TAF8: variants seen among roughly 807,000 people sequenced by gnomAD.
TAF8 encodes transcription initiation factor TFIID subunit 8.
In TAF8, 47 loss-of-function variants were observed where a neutral mutation model predicts 36.5. That is an observed-to-expected ratio of 1.29 (90% CI 1.02 to 1.64). The LOEUF (loss-of-function observed/expected upper bound fraction) is 1.64. Among genes scored for constraint, TAF8 ranks in the 40% most tolerant of loss-of-function variants. The pLI, the probability that TAF8 is intolerant of heterozygous loss-of-function variation, is 0.00. For synonymous variants in TAF8, 175 were observed against 159.5 expected (o/e 1.10, Z -0.73); for missense variants, 420 against 407.6 (o/e 1.03, Z -0.26).
chr6:42,078,729 G>C lies in TAF8; in HGVS notation c.*1184G>C, dbSNP rs1343442832. ...GGAATGTGTGCTTGGGAACTGCCAA[G>C]TCTTACCCCTTCTGGAAGAAGAGGT... is the stretch of plus-strand genomic sequence containing the variant. On this transcript the variant is annotated 3_prime_UTR_variant, in exon 9 of 9. Transcript: ENST00000372977. 1 of 985,368 alleles carries C rather than the reference G, an allele frequency of 1.0e-6. No individual in the cohort carries two copies. Among genetic ancestry groups the C allele is most frequent in the Non-Finnish European group, 1.2e-6 (1 of 829,964 alleles). The allele number at this position is 985,368 out of a possible 1,614,324, so 61.0% of individuals were successfully genotyped here.
downstream of TAF8, among the ~76,000 whole-genome samples, chr6:42,084,180 C>CAA (rs35595303): frequency 1.5e-3 from 97 of 63,262 alleles, 3 homozygotes; most frequent in African/African-American, 2.4e-3. Context: ...GACTCTGTCT[C>CAA]AAAAAAAAAA....
At chr6:42,075,932 G>C (rs1765730171) in intron 7 of TAF8, among the ~76,000 whole-genome samples, 2 of 152,282 alleles carry the variant, frequency 1.3e-5, no homozygotes, top group Admixed American at 6.5e-5. Context: ...TAAAGCGGCC[G>C]GGCGCGGTGG....
At position 42,050,581 on chromosome 6, in the gene TAF8, G is replaced by T; in HGVS notation, c.40G>T (p.Gly14Ter). ...GGCCACAGCTGGGGCCGGTGGCTCC[G>T]GAACGGTAAGGGCAGGAAGCGCGGG... ...AAATAGAGGS[G>*]TRSGSKQSTN... Residue 14 changes from glycine (G) to a stop codon, truncating the protein, a stop_gained, in exon 1 of 9, where the codon GGA becomes TGA. Transcript: ENST00000372977. LOFTEE classifies it high-confidence loss of function. The T allele has an allele frequency of 6.4e-7, 1 of 1,555,290 alleles. No homozygotes were observed. Among genetic ancestry groups the T allele is most frequent in the Non-Finnish European group, 8.7e-7 (1 of 1,150,012 alleles).
At chr6:42,056,228 G>T (rs1764983804) in intron 4 of TAF8, 1 of 487,346 alleles carries the variant, frequency 2.1e-6, no homozygotes, top group African/African-American at 2.0e-5. Context: ...TTGAGATATT[G>T]CTGTGTTTCT....
chr6:42,063,002 C>A (rs1765238985), intron 5 of TAF8, among the ~76,000 whole-genome samples: 1 of 152,182 alleles, frequency 6.6e-6, no homozygotes, highest in African/African-American at 2.4e-5. Context: ...ACCCACCTTA[C>A]CTTAGTAAGA....
At chr6:42,065,761 C>T (rs1765341477) in intron 5 of TAF8, among the ~76,000 whole-genome samples, 1 of 152,142 alleles carries the variant, frequency 6.6e-6, no homozygotes, top group Non-Finnish European at 1.5e-5. Context: ...AAGACAATCT[C>T]TACAGTAAAT....
intron 7 of TAF8, among the ~76,000 whole-genome samples, chr6:42,075,276 G>C (rs1196181455): frequency 6.6e-6 from 1 of 152,178 alleles, no homozygotes; most frequent in African/African-American, 2.4e-5. Context: ...GAACTAGGTT[G>C]GTCCTGCAGC....
At chr6:42,076,064 G>A (rs917167529) in intron 7 of TAF8, among the ~76,000 whole-genome samples, 4 of 151,822 alleles carry the variant, frequency 2.6e-5, no homozygotes, top group South Asian at 2.1e-4. Context: ...AAAACTTAGC[G>A]GGATGTGGTG....
chr6:42,060,535 G>A (rs907126717), intron 5 of TAF8, among the ~76,000 whole-genome samples: 1 of 152,156 alleles, frequency 6.6e-6, no homozygotes. Flanking sequence ...TATGAGTTGG[G>A]CAAATTTGTC....
chr6:42,059,420 G>C (rs949357048), intron 5 of TAF8, among the ~76,000 whole-genome samples: 1 of 151,906 alleles, frequency 6.6e-6, no homozygotes, highest in African/African-American at 2.4e-5. Flanking sequence ...GGGACTCAGA[G>C]CTGTCTTCTT....
chr6:42,060,496 C>G (rs1765153966), intron 5 of TAF8, among the ~76,000 whole-genome samples: 1 of 152,124 alleles, frequency 6.6e-6, no homozygotes, highest in African/African-American at 2.4e-5. Flanking sequence ...AAAGCCGAGC[C>G]CAGCCATGGG....
In TAF8 at chr6:42,054,493, C is replaced by T. The variant is rs56148909; in HGVS notation, c.203-1038C>T. ...AACAATAACTCCCCATTCTCCCTCC[C>T]CCTCCATCCCCTGGTAACTTCTAAT... On this transcript the variant is annotated intron_variant, in intron 2 of 8. Coordinates refer to ENST00000372977, the MANE Select transcript of TAF8 (RefSeq NM_138572.3). Among the ~76,000 whole-genome samples the T allele has an allele frequency of 1.0e-2, 1,517 of 152,346 alleles. 27 individuals carry two copies. Among genetic ancestry groups the T allele is most frequent in the African/African-American group, 0.035 (1,439 of 41,584 alleles).
chr6:42,087,052 C>G (rs192442695), downstream of TAF8: 1 of 476,144 alleles, frequency 2.1e-6, no homozygotes, highest in Non-Finnish European at 3.8e-6. Context: ...AGCCTGAGTG[C>G]ACCATGTCTT....
intron 1 of TAF8, 160 bp downstream of exon 1, chr6:42,050,746 T>G: frequency 6.8e-6 from 7 of 1,035,168 alleles, no homozygotes; most frequent in Non-Finnish European, 9.4e-6. Flanking sequence ...CCTTGGGACT[T>G]GGCTGCGGCC....
chr6:42,052,047 CT>C (rs1383695596), intron 2 of TAF8, among the ~76,000 whole-genome samples: 2 of 152,222 alleles, frequency 1.3e-5, no homozygotes, highest in Non-Finnish European at 2.9e-5. Context: ...CACTCTGTCA[CT>C]TAATAGCTTG....
intron 3 of TAF8, 37 bp downstream of exon 3, chr6:42,055,666 C>T (rs1484305905): frequency 6.7e-7 from 1 of 1,491,058 alleles, no homozygotes; most frequent in African/African-American, 1.4e-5. Flanking sequence ...TTCGATGCAA[C>T]TGGGAGAGGA....
chr6:42,061,533 C>G (rs12216369), intron 5 of TAF8, among the ~76,000 whole-genome samples: 2 of 152,006 alleles, frequency 1.3e-5, no homozygotes, highest in African/African-American at 2.4e-5. Context: ...TTAGGGCAGC[C>G]ACAGTTAAAG....
chr6:42,056,948 T>C (rs1255123552), intron 4 of TAF8, among the ~76,000 whole-genome samples: 1 of 152,234 alleles, frequency 6.6e-6, no homozygotes, highest in Non-Finnish European at 1.5e-5. Context: ...TTGGCATTTT[T>C]TTAAAAACTC....
intron 5 of TAF8, among the ~76,000 whole-genome samples, chr6:42,064,812 C>G (rs1167591747): frequency 6.6e-6 from 1 of 150,992 alleles, no homozygotes; most frequent in African/African-American, 2.4e-5. Context: ...AAAAAATTAG[C>G]CAGGAGTGGT....
Sources: allele counts gnomAD v4.1 joint callset (sites outside exome capture counted in the v4.1 genomes callset), GRCh38; gene constraint gnomAD v4.1.1; transcripts MANE v1.5; gene names NCBI Gene and HGNC (gene_info 2026-07-23, HGNC 2026-07-21).